Variants in PGM5 observed in about 807,000 individuals in gnomAD.
PGM5 encodes phosphoglucomutase-like protein 5.
Under a neutral mutation model 59.2 loss-of-function variants are expected in PGM5, and 23 were observed. That is an observed-to-expected ratio of 0.39 (90% CI 0.28 to 0.55). The LOEUF is 0.55. Ranked by LOEUF, PGM5 falls within the 20% of genes least tolerant of loss-of-function variation. The pLI, the probability that PGM5 is intolerant of heterozygous loss-of-function variation, is 0.66. For missense variants in PGM5, 574 were observed against 748.3 expected (o/e 0.77, Z 2.72); for synonymous variants, 214 against 286.0 (o/e 0.75, Z 2.54).
chr9:68,420,762 A>G (rs1430921203), intron 6 of PGM5, among the ~76,000 whole-genome samples: 1 of 152,176 alleles, frequency 6.6e-6, no homozygotes, highest in Non-Finnish European at 1.5e-5. Flanking sequence ...GTGCTTGAGG[A>G]ATCTGGGATG....
chr9:68,441,289 A>T (rs1395097303), intron 6 of PGM5, among the ~76,000 whole-genome samples: 1 of 152,156 alleles, frequency 6.6e-6, no homozygotes, highest in Non-Finnish European at 1.5e-5. Context: ...TTATGAGGCT[A>T]GCATTACCTG....
chr9:68,408,112 TG>T (rs1274174665), intron 6 of PGM5, among the ~76,000 whole-genome samples: 6 of 152,172 alleles, frequency 3.9e-5, no homozygotes, highest in Non-Finnish European at 8.8e-5. Flanking sequence ...TCCCCCCAGA[TG>T]GGGTTTCTTT....
chr9:68,469,107 A>C (rs1463465192), intron 7 of PGM5, among the ~76,000 whole-genome samples: 2 of 152,192 alleles, frequency 1.3e-5, no homozygotes, highest in African/African-American at 4.8e-5. Context: ...TAGGAGAGAC[A>C]GGATTTCACC....
chr9:68,454,731 C>T (rs1215223754), intron 6 of PGM5, among the ~76,000 whole-genome samples: 1 of 152,116 alleles, frequency 6.6e-6, no homozygotes, highest in Non-Finnish European at 1.5e-5. Context: ...ACTGAGAGTC[C>T]CTACTCTCCT....
rs765233766 is a variant in PGM5, at chr9:68,356,944, C to T, written c.-184C>T. The stretch of plus-strand genomic sequence containing the variant: ...GCCGAGAGAGTCAGCCGAGCGGCCG[C>T]GCGGAGAGGAGGGGCGGGCGGTCCC... On this transcript the variant is annotated 5_prime_UTR_variant, in exon 1 of 11. Coordinates refer to ENST00000396396, the MANE Select transcript of PGM5 (RefSeq NM_021965.4). 2 of 496,226 alleles carry T rather than the reference C, an allele frequency of 4.0e-6. No homozygotes were observed. The highest frequency in any genetic ancestry group is 6.7e-6 in the Non-Finnish European group (2 of 299,534). 30.7% of individuals were successfully genotyped at this position (496,226 alleles called of 1,614,324 possible).
chr9:68,449,025 C>T lies in PGM5; in HGVS notation c.1044-16068C>T, dbSNP rs141657397. On this transcript the variant is annotated intron_variant, in intron 6 of 10. Transcript: ENST00000396396. Reference sequence around the variant, plus strand: ...AGGCTGGGAAGTCCAAGATCAAGGACCCAGCAGATTCAGTGTGTTGCAAGG... The same window carrying T: ...AGGCTGGGAAGTCCAAGATCAAGGATCCAGCAGATTCAGTGTGTTGCAAGG... Among the ~76,000 whole-genome samples the T allele has an allele frequency of 2.4e-3, 369 of 152,294 alleles. 1 individual carries two copies. Among genetic ancestry groups the T allele is most frequent in the Non-Finnish European group, 3.4e-3 (234 of 68,034 alleles).
intron 10 of PGM5, among the ~76,000 whole-genome samples, chr9:68,519,897 CAATAAATAAATA>C (rs58819780): frequency 4.0e-4 from 56 of 139,860 alleles, no homozygotes; most frequent in Middle Eastern, 3.5e-3. Context: ...CTTGTCTTTA[CAATAAATAAATA>C]AATAAATAAA....
At position 68,448,799 on chromosome 9, in the gene PGM5, G is replaced by A. The variant is rs894593716; in HGVS notation, c.1044-16294G>A. On this transcript the variant is annotated intron_variant, in intron 6 of 10. Coordinates refer to ENST00000396396, the MANE Select transcript of PGM5 (RefSeq NM_021965.4). ...TGAAGCTGCTGGAGATGCATGCAGG[G>A]GACAGCATAGTGTGAAAGGTGTTGT... is the stretch of plus-strand genomic sequence containing the variant. 1.7e-4 allele frequency among the ~76,000 whole-genome samples: 26 copies of A among 152,242 alleles called. No homozygotes were observed. The East Asian group carries it at 4.8e-3, about 28-fold the overall frequency.
At chr9:68,436,255 CA>C (rs1341396961) in intron 6 of PGM5, among the ~76,000 whole-genome samples, 1 of 152,156 alleles carries the variant, frequency 6.6e-6, no homozygotes, top group African/African-American at 2.4e-5. Context: ...TCTACCCAAA[CA>C]GGGAATTACC....
chr9:68,357,569 T>A (rs3122104), intron 1 of PGM5, among the ~76,000 whole-genome samples, 181 bp downstream of exon 1: 1 of 142,274 alleles, frequency 7.0e-6, no homozygotes, highest in Admixed American at 7.0e-5. Flanking sequence ...GCCTCCCCGG[T>A]GCACCCCGGA....
chr9:68,450,751 G>C (rs1193881630), intron 6 of PGM5, among the ~76,000 whole-genome samples: 2 of 152,180 alleles, frequency 1.3e-5, no homozygotes, highest in African/African-American at 4.8e-5. Flanking sequence ...TTGGAACATT[G>C]TTTCAAGATT....
chr9:68,461,546 G>A (rs1554685404), intron 6 of PGM5, among the ~76,000 whole-genome samples: 1 of 152,006 alleles, frequency 6.6e-6, no homozygotes, highest in African/African-American at 2.4e-5. Context: ...TCAGAGATAG[G>A]GCCTTTAAGA....
intron 1 of PGM5, among the ~76,000 whole-genome samples, chr9:68,372,766 G>T (rs1272950479): frequency 1.3e-5 from 2 of 152,170 alleles, no homozygotes; most frequent in Non-Finnish European, 2.9e-5. Flanking sequence ...GGCCTCAGGA[G>T]CTTTTACACA....
chr9:68,469,827 G>A (rs1400732956), intron 7 of PGM5, among the ~76,000 whole-genome samples: 1 of 152,200 alleles, frequency 6.6e-6, no homozygotes, highest in Non-Finnish European at 1.5e-5. Context: ...AGATAGGTGG[G>A]TGGAAGGAAA....
intron 7 of PGM5, among the ~76,000 whole-genome samples, chr9:68,473,159 C>T (rs782662272): frequency 5.3e-5 from 8 of 152,052 alleles, no homozygotes; most frequent in Admixed American, 1.3e-4. Flanking sequence ...TCAGATCCAC[C>T]CAAAAAGAGT....
chr9:68,417,005 T>C (rs530204341), intron 6 of PGM5, among the ~76,000 whole-genome samples: 122 of 152,306 alleles, frequency 8.0e-4, no homozygotes, highest in Non-Finnish European at 1.5e-3. Context: ...GTTCAGTAGG[T>C]TGGCTGGAAA....
At chr9:68,509,600 A>G (rs1259445338) in intron 10 of PGM5, among the ~76,000 whole-genome samples, 2 of 152,226 alleles carry the variant, frequency 1.3e-5, no homozygotes, top group Admixed American at 1.3e-4. Context: ...CACGCCACAC[A>G]GGGCCACGCA....
At chr9:68,421,321 T>A (rs182250263) in intron 6 of PGM5, among the ~76,000 whole-genome samples, 14 of 152,292 alleles carry the variant, frequency 9.2e-5, no homozygotes, top group African/African-American at 3.1e-4. Context: ...TACAGCAGTT[T>A]CCTGATGTTG....
intron 7 of PGM5, among the ~76,000 whole-genome samples, chr9:68,474,206 T>C (rs1431247797): frequency 1.3e-5 from 2 of 152,210 alleles, no homozygotes; most frequent in African/African-American, 4.8e-5. Context: ...GTGATTCTAA[T>C]GTGCAGTGCA....
Sources: allele counts gnomAD v4.1 joint callset (sites outside exome capture counted in the v4.1 genomes callset), GRCh38; gene constraint gnomAD v4.1.1; transcripts MANE v1.5; gene names NCBI Gene and HGNC (gene_info 2026-07-23, HGNC 2026-07-21).